The following PPP1R9A variants were observed in gnomAD, a reference collection of about 807,000 sequenced individuals.
PPP1R9A encodes the protein neurabin-1.
In PPP1R9A, 59 loss-of-function variants were observed where a neutral mutation model predicts 141.9. That is an observed-to-expected ratio of 0.42 (90% CI 0.34 to 0.52). The LOEUF (loss-of-function observed/expected upper bound fraction) is 0.52. PPP1R9A is among the 20% of genes least tolerant of loss of function. The probability of loss-of-function intolerance (pLI) is 0.10; values close to 1 mark genes in which losing one functional copy is unlikely to be tolerated. For missense variants in PPP1R9A, 1,444 were observed against 1,611.9 expected, an observed-to-expected ratio of 0.90 and a Z score of 1.78; for synonymous variants, 500 against 569.7, an observed-to-expected ratio of 0.88 and a Z score of 1.74.
chr7:95,295,548 G>A lies in PPP1R9A; in HGVS notation c.*5245G>A, dbSNP rs578219658. On this transcript the variant is annotated 3_prime_UTR_variant, in exon 20 of 20. Coordinates refer to ENST00000433360, the MANE Select transcript of PPP1R9A (RefSeq NM_001166160.2). ...AGTCACTGCCTACTGGCTCTCTTAT[G>A]ATGAATGTTGCCATCATATGATCAT... 3.9e-5 allele frequency: 6 copies of A among 152,192 alleles called. No individual in the cohort carries two copies. The South Asian group carries it at 1.2e-3, about 31-fold the overall frequency. The allele number at this position is 152,192 out of a possible 1,614,324, so 9.4% of individuals were successfully genotyped here. A position where few individuals can be genotyped will look rare whatever the true frequency, so the allele number is the denominator to read the frequency against.
intron 2 of PPP1R9A, among the ~76,000 whole-genome samples, chr7:95,023,558 T>C (rs1373190720): frequency 1.3e-5 from 2 of 152,128 alleles, no homozygotes; most frequent in Non-Finnish European, 2.9e-5. Context: ...TCTAGTTCTT[T>C]TTTTTGTTTG....
chr7:95,250,289 G>A (rs1452756711), intron 10 of PPP1R9A, 34 bp downstream of exon 10: 2 of 1,528,366 alleles, frequency 1.3e-6, no homozygotes, highest in Middle Eastern at 1.7e-4. Context: ...GAATAGTTAT[G>A]TTTGTCTAAA....
intron 2 of PPP1R9A, among the ~76,000 whole-genome samples, chr7:95,095,859 A>G (rs927386372): frequency 6.6e-6 from 1 of 152,072 alleles, no homozygotes; most frequent in African/African-American, 2.4e-5. Context: ...TTGTGCTTCA[A>G]TCTTGTTTTG....
intron 2 of PPP1R9A, among the ~76,000 whole-genome samples, chr7:94,935,231 T>C (rs1293254367): frequency 2.0e-5 from 3 of 152,200 alleles, no homozygotes; most frequent in African/African-American, 7.2e-5. Context: ...CGCCAAAGTA[T>C]GAAAAGAAGA....
chr7:95,050,381 C>A (rs62467335), intron 2 of PPP1R9A, among the ~76,000 whole-genome samples: 1,563 of 152,132 alleles, frequency 0.01, 17 homozygotes, highest in Non-Finnish European at 0.015. Context: ...TTATCTGATA[C>A]CTCTTGTGAT....
intron 2 of PPP1R9A, among the ~76,000 whole-genome samples, chr7:94,925,624 G>A (rs1188119939): frequency 6.6e-6 from 1 of 152,102 alleles, no homozygotes. Flanking sequence ...GCAGACACCT[G>A]ATCTTTTAAG....
intron 2 of PPP1R9A, among the ~76,000 whole-genome samples, chr7:95,105,334 G>A (rs866803263): frequency 3.9e-5 from 6 of 152,128 alleles, no homozygotes; most frequent in Non-Finnish European, 7.3e-5. Context: ...GCTTTTCATA[G>A]CCTTGGGTTG....
At chr7:94,935,985 T>C (rs1478785308) in intron 2 of PPP1R9A, among the ~76,000 whole-genome samples, 2 of 152,212 alleles carry the variant, frequency 1.3e-5, no homozygotes, top group East Asian at 3.8e-4. Context: ...TTGATAGTAG[T>C]AAAGTAAATA....
chr7:95,286,446 T>C, intron 18 of PPP1R9A, 121 bp downstream of exon 18: 1 of 1,424,010 alleles, frequency 7.0e-7, no homozygotes, highest in Admixed American at 2.5e-5. Flanking sequence ...CTGTGGTTTA[T>C]GTTTAATTTG....
chr7:94,921,446 CAAA>C (rs201039573), intron 2 of PPP1R9A, among the ~76,000 whole-genome samples: 3 of 92,100 alleles, frequency 3.3e-5, no homozygotes, highest in Non-Finnish European at 4.7e-5. Flanking sequence ...GACTCCGGCT[CAAA>C]AAAAAAAAAA....
rs147812117 is a variant in PPP1R9A at position 95,001,327 on chromosome 7, GTGT to G, written c.1395+89828_1395+89830del. The stretch of plus-strand genomic sequence containing the variant: ...AAACAACAATAGCAAAAAACGCTTT[GTGT>G]TGTTGTTGACAGAAAAGTTGAAGCT... On this transcript the variant is annotated intron_variant, in intron 2 of 19. Transcript: ENST00000433360. Among the ~76,000 whole-genome samples the G allele has an allele frequency of 5.0e-3, 761 of 152,270 alleles. 3 individuals carry two copies. The highest frequency in any genetic ancestry group is 8.2e-3 in the Non-Finnish European group (560 of 68,010).
chr7:95,132,395 G>A (rs929116743), intron 4 of PPP1R9A, among the ~76,000 whole-genome samples: 13 of 152,142 alleles, frequency 8.5e-5, no homozygotes, highest in African/African-American at 2.9e-4. Context: ...TCATCATGAA[G>A]CAATATTAGA....
intron 4 of PPP1R9A, among the ~76,000 whole-genome samples, chr7:95,124,081 G>T (rs1248600402): frequency 6.6e-6 from 1 of 152,062 alleles, no homozygotes; most frequent in Non-Finnish European, 1.5e-5. Flanking sequence ...GTGGGTGTCA[G>T]AAAATGACAA....
At chr7:95,076,856 A>G (rs1357239672) in intron 2 of PPP1R9A, among the ~76,000 whole-genome samples, 1 of 152,024 alleles carries the variant, frequency 6.6e-6, no homozygotes, top group Non-Finnish European at 1.5e-5. Flanking sequence ...TACTAGTTTT[A>G]TAACCTGACT....
chr7:95,050,026 G>A (rs1810570448), intron 2 of PPP1R9A, among the ~76,000 whole-genome samples: 2 of 152,194 alleles, frequency 1.3e-5, no homozygotes, highest in Non-Finnish European at 2.9e-5. Context: ...ACCAAGGAGT[G>A]TGATTGCTGG....
intron 2 of PPP1R9A, among the ~76,000 whole-genome samples, chr7:95,007,874 C>A (rs566041633): frequency 9.5e-4 from 144 of 152,162 alleles, no homozygotes; most frequent in South Asian, 2.9e-3. Flanking sequence ...GAGCTCGAGA[C>A]CAACCTGATC....
At position 95,272,359 on chromosome 7, in the gene PPP1R9A, A is replaced by G. The variant is rs1169633674; in HGVS notation, c.3125-1540A>G. On this transcript the variant is annotated intron_variant, in intron 14 of 19. Coordinates refer to ENST00000433360, the MANE Select transcript of PPP1R9A (RefSeq NM_001166160.2). The stretch of plus-strand genomic sequence containing the variant: ...AATCTTGCTTTTAAAAATAAAATCC[A>G]TTAGTAAAATCACCTTAGAAGGTGT... 2.0e-5 allele frequency among the ~76,000 whole-genome samples: 3 copies of G among 152,324 alleles called. No individual in the cohort carries two copies. The East Asian group carries it at 5.8e-4, about 29-fold the overall frequency.
chr7:95,015,818 G>T (rs1260266018), intron 2 of PPP1R9A, among the ~76,000 whole-genome samples: 1 of 152,056 alleles, frequency 6.6e-6, no homozygotes, highest in East Asian at 1.9e-4. Context: ...GGGAGGCTAA[G>T]GTGGGAGGAT....
intron 7 of PPP1R9A, among the ~76,000 whole-genome samples, chr7:95,206,241 G>A (rs1585240726): frequency 6.6e-6 from 1 of 152,220 alleles, no homozygotes; most frequent in East Asian, 1.9e-4. Flanking sequence ...ATGGTGATGT[G>A]GCCAAGGACT....
Sources: allele counts gnomAD v4.1 joint callset (sites outside exome capture counted in the v4.1 genomes callset), GRCh38; gene constraint gnomAD v4.1.1; transcripts MANE v1.5; gene names NCBI Gene and HGNC (gene_info 2026-07-23, HGNC 2026-07-21).